The following FBN3 variants were observed in gnomAD, a reference collection of about 807,000 sequenced individuals.
The protein encoded by FBN3 is fibrillin-3.
A neutral mutation model predicts 330.1 loss-of-function variants in FBN3; 234 were observed. The observed-to-expected ratio is 0.71, with a 90% confidence interval of 0.64 to 0.79. The LOEUF is 0.79. Ranked by LOEUF, FBN3 falls within the 30% of genes least tolerant of loss-of-function variation. The probability of loss-of-function intolerance (pLI) is 0.00; values close to 1 mark genes in which losing one functional copy is unlikely to be tolerated. For missense variants in FBN3, 3,606 were observed against 3,886.9 expected (o/e 0.93, Z 1.92); for synonymous variants, 1,458 against 1,517.3 (o/e 0.96, Z 0.91).
intron 30 of FBN3, among the ~76,000 whole-genome samples, chr19:8,113,196 T>G (rs1210254590): frequency 6.6e-6 from 1 of 152,116 alleles, no homozygotes; most frequent in Non-Finnish European, 1.5e-5. Flanking sequence ...GAGGCCAAGG[T>G]GGGAGGATCG....
chr19:8,141,572 C>T (rs1287037762), intron 8 of FBN3, 145 bp downstream of exon 8: 8 of 890,308 alleles, frequency 9.0e-6, no homozygotes, highest in African/African-American at 1.7e-5. Flanking sequence ...GGCTGAGACA[C>T]TCATTCACAT....
chr19:8,111,612 T>A (rs1393317748), intron 32 of FBN3, 36 bp downstream of exon 32: 2 of 1,447,946 alleles, frequency 1.4e-6, no homozygotes, highest in Admixed American at 1.9e-5. Flanking sequence ...TGGCTGTCCC[T>A]CTAGGGCCCC....
intron 6 of FBN3, among the ~76,000 whole-genome samples, 175 bp downstream of exon 6, chr19:8,144,702 C>T (rs1011751466): frequency 6.6e-6 from 1 of 152,006 alleles, no homozygotes; most frequent in African/African-American, 2.4e-5. Flanking sequence ...CAGTGAATAG[C>T]AGATGTTTTG....
intron 10 of FBN3, among the ~76,000 whole-genome samples, chr19:8,137,011 A>G (rs1385539360): frequency 3.1e-4 from 28 of 89,100 alleles, no homozygotes; most frequent in Middle Eastern, 0.013. Flanking sequence ...CTCCAACCTG[A>G]AGCCTAGATC....
chr19:8,096,762 TC>T lies in FBN3; in HGVS notation c.5413+118del, dbSNP rs35951498. 3.8e-6 allele frequency: 5 copies of T among 1,331,456 alleles called. No homozygotes were observed. In the Admixed American group the frequency reaches 6.0e-5, roughly 16 times the overall value. The allele number at this position is 1,331,456 out of a possible 1,614,324, so 82.5% of individuals were successfully genotyped here. ...CCTATTAACAGACACTCTCAATACA[TC>T]CCCCACCCCCCTAATAGTATAGAAA... On this transcript the variant is annotated intron_variant, in intron 43 of 63. Transcript: ENST00000600128. The surrounding 1 kb of genome is among the most constrained non-coding windows in gnomAD (Gnocchi z 4.6).
In FBN3 at chr19:8,141,999, G is replaced by A; in HGVS notation, c.680C>T (p.Ala227Val). ...GCCGCGGCGGCAGGGGTGTGGCTGT[G>A]CAGGGCAAAGTTCACATGGAAGGCC... ...AWGLPCELCP[A>V]QPHPCRRGFI... Residue 227 changes from alanine (A) to valine (V), a missense_variant, in exon 7 of 64, where the codon GCA becomes GTA. Physicochemically the swap from Ala to Val is moderately conservative, Grantham distance 64 (BLOSUM62 0). Transcript: ENST00000600128. 2 of 1,614,226 alleles carry A rather than the reference G, an allele frequency of 1.2e-6. No homozygotes were observed. Among genetic ancestry groups the A allele is most frequent in the Middle Eastern group, 1.6e-4 (1 of 6,062 alleles).
In FBN3 at chr19:8,141,344, T is replaced by C. The variant is rs1406407917; in HGVS notation, c.865+373A>G. 6.2e-5 allele frequency among the ~76,000 whole-genome samples: 8 copies of C among 128,904 alleles called. No homozygotes were observed. In the East Asian group the frequency reaches 9.0e-4, roughly 14 times the overall value. 84.6% of individuals were successfully genotyped at this position (128,904 alleles called of 152,430 possible). On this transcript the variant is annotated intron_variant, in intron 8 of 63. Transcript: ENST00000600128. ...TCACACCACTGCACTCCAGCCTGGG[T>C]AACAGAGTGAGACTCTGTCTCAAAA...
rs2083283020 is a variant in FBN3, at chr19:8,136,404, C to T, written c.1329G>A (p.Val443=). 6.2e-7 allele frequency: 1 copy of T among 1,614,032 alleles called. No individual in the cohort carries two copies. Among genetic ancestry groups the T allele is most frequent in the East Asian group, 2.2e-5 (1 of 44,882 alleles). Residue 443 remains valine (V), a synonymous_variant, in exon 11 of 64, where the codon GTG becomes GTA. Coordinates refer to ENST00000600128, the MANE Select transcript of FBN3 (RefSeq NM_032447.5). ...CECNVGYTQD[V]RGECIDVDEC... is the part of the protein sequence containing the mutation. ...GCGGCTCACCAATGCACTCGCCGCG[C>T]ACGTCCTGGGTGTAGCCCACGTTAC... is the stretch of plus-strand genomic sequence containing the variant.
intron 38 of FBN3, among the ~76,000 whole-genome samples, chr19:8,105,750 G>A (rs2082423920): frequency 6.6e-6 from 1 of 152,116 alleles, no homozygotes; most frequent in African/African-American, 2.4e-5. Context: ...CTCCACAAAA[G>A]CAACTATTGA....
At chr19:8,120,407 C>T (rs1369261988) in intron 25 of FBN3, among the ~76,000 whole-genome samples, 2 of 151,770 alleles carry the variant, frequency 1.3e-5, no homozygotes. Context: ...TGAACTCAGG[C>T]AATCTGCCCA....
At position 8,088,051 on chromosome 19, in the gene FBN3, G is replaced by A. The variant is rs2082008135; in HGVS notation, c.6496+9C>T. On this transcript the variant is annotated intron_variant, in intron 52 of 63. Transcript: ENST00000600128. ...ACACGGCCCAGGTCCTGGGCAAGCA[G>A]AGTTGTACCCTCGCAGGTCATCATG... 6.2e-7 allele frequency: 1 copy of A among 1,614,018 alleles called. No individual in the cohort carries two copies. Among genetic ancestry groups the A allele is most frequent in the Non-Finnish European group, 8.5e-7 (1 of 1,180,048 alleles).
At chr19:8,139,538 C>G (rs569019451) in intron 8 of FBN3, among the ~76,000 whole-genome samples, 2 of 151,826 alleles carry the variant, frequency 1.3e-5, no homozygotes, top group Non-Finnish European at 2.9e-5. Context: ...GGCAGGGACA[C>G]GGAGATCTGC....
Position 8,132,772 on chromosome 19 carries a change from G to A in FBN3, c.1714+212C>T, listed in dbSNP as rs528324402. 6.6e-5 allele frequency among the ~76,000 whole-genome samples: 10 copies of A among 152,292 alleles called. No individual in the cohort carries two copies. The East Asian group carries it at 1.2e-3, about 18-fold the overall frequency. The stretch of plus-strand genomic sequence containing the variant: ...CTCCCAAGGTGCTGGGACTACAGGC[G>A]TGAGCCACGGCACCTGCCTCTTCTT... On this transcript the variant is annotated intron_variant, in intron 14 of 63. Transcript: ENST00000600128.
At chr19:8,119,287 G>A (rs1450039928) in intron 25 of FBN3, among the ~76,000 whole-genome samples, 4 of 152,260 alleles carry the variant, frequency 2.6e-5, no homozygotes, top group South Asian at 2.1e-4. Context: ...CACTAGAAAC[G>A]GCACTAAGAG....
chr19:8,075,420 G>C lies in FBN3; in HGVS notation c.7454-9C>G. 1.2e-6 allele frequency: 2 copies of C among 1,609,790 alleles called. No individual in the cohort carries two copies. The highest frequency in any genetic ancestry group is 1.7e-6 in the Non-Finnish European group (2 of 1,177,084). On this transcript the variant is annotated splice_polypyrimidine_tract_variant and intron_variant, in intron 59 of 63. Transcript: ENST00000600128. ...TGAGCACTCATCATTGTCTGCAGAG[G>C]AGAGAGATCAGGCAGGGTTGCCTGC...
rs2083574967 is a variant in FBN3 at position 8,147,363 on chromosome 19, C to A, written c.118G>T (p.Ala40Ser). 6.2e-7 allele frequency: 1 copy of A among 1,602,200 alleles called. No individual in the cohort carries two copies. Among genetic ancestry groups the A allele is most frequent in the Non-Finnish European group, 8.5e-7 (1 of 1,176,210 alleles). ...QGRWDGALEA[A>S]GPGRVRRRGS... Reference sequence around the variant, plus strand: ...CGCCTCCGCACACGTCCAGGACCTGCAGCCTCCAAGGCCCCGTCCCAGCGG... The same window carrying A: ...CGCCTCCGCACACGTCCAGGACCTGAAGCCTCCAAGGCCCCGTCCCAGCGG... Residue 40 changes from alanine to serine, a missense_variant, in exon 2 of 64, where the codon GCA (alanine) becomes TCA (serine). By Grantham distance (99) the Ala-to-Ser change is moderately conservative. Coordinates refer to ENST00000600128, the MANE Select transcript of FBN3 (RefSeq NM_032447.5).
At chr19:8,087,266 G>A (rs971038804) in intron 53 of FBN3, 55 bp from the exon 54 acceptor site, 30 of 1,503,494 alleles carry the variant, frequency 2.0e-5, no homozygotes, top group Non-Finnish European at 2.3e-5. Flanking sequence ...TATGGCTGTG[G>A]GGACCTGGAT....
intron 1 of FBN3, chr19:8,147,847 A>T: frequency 5.5e-6 from 1 of 182,112 alleles, no homozygotes; most frequent in Non-Finnish European, 1.1e-5. Context: ...GTCAAGGACA[A>T]TGAAGAGCCC....
At position 8,081,994 on chromosome 19, in the gene FBN3, C is replaced by T. The variant is rs140047667; in HGVS notation, c.7214-514G>A. Among the ~76,000 whole-genome samples the T allele has an allele frequency of 3.3e-4, 47 of 143,318 alleles. 1 individual carries two copies. The East Asian group carries it at 8.9e-3, about 27-fold the overall frequency. The allele number at this position is 143,318 out of a possible 152,430, so 94.0% of individuals were successfully genotyped here. A position where few individuals can be genotyped will look rare whatever the true frequency, so the allele number is the denominator to read the frequency against. On this transcript the variant is annotated intron_variant, in intron 57 of 63. Coordinates refer to ENST00000600128, the MANE Select transcript of FBN3 (RefSeq NM_032447.5). ...CTCTTTCTTTCTTGAGACGGAGTCT[C>T]GTTTCATCACCCAGGCTGGAATGCG...
Sources: allele counts gnomAD v4.1 joint callset (sites outside exome capture counted in the v4.1 genomes callset), GRCh38; gene constraint gnomAD v4.1.1; non-coding constraint Gnocchi (gnomAD v3.1); transcripts MANE v1.5; gene names NCBI Gene and HGNC (gene_info 2026-07-23, HGNC 2026-07-21).